NUMB: variants seen among roughly 807,000 people sequenced by gnomAD.
The protein encoded by NUMB is NUMB endocytic adaptor protein, also known as protein numb homolog.
A neutral mutation model predicts 59.7 loss-of-function variants in NUMB; 29 were observed. The observed-to-expected ratio is 0.49, with a 90% CI of 0.36 to 0.66. The LOEUF (loss-of-function observed/expected upper bound fraction) is 0.66. Among genes scored for constraint, NUMB ranks in the 30% least tolerant of loss-of-function variants. NUMB has a pLI of 0.00. For missense variants in NUMB, 723 were observed against 822.0 expected, an observed-to-expected ratio of 0.88 and a Z score of 1.47; for synonymous variants, 288 against 288.2, an observed-to-expected ratio of 1.00 and a Z score of 0.01.
chr14:73,390,613 AT>A (rs2140097658), intron 2 of NUMB, among the ~76,000 whole-genome samples: 1 of 73,804 alleles, frequency 1.4e-5, no homozygotes, highest in South Asian at 5.2e-4. Flanking sequence ...TATAAGACTG[AT>A]TTCCTTGAGG....
chr14:73,297,372 G>T, intron 6 of NUMB, 87 bp from the exon 7 acceptor site: 1 of 873,194 alleles, frequency 1.1e-6, no homozygotes, highest in Non-Finnish European at 1.9e-6. Flanking sequence ...CACTGACTCT[G>T]CCTTCCAAAA....
intron 2 of NUMB, among the ~76,000 whole-genome samples, chr14:73,387,248 G>A (rs896951682): frequency 6.6e-6 from 1 of 152,044 alleles, no homozygotes; most frequent in Non-Finnish European, 1.5e-5. Flanking sequence ...TTGAATTGTA[G>A]TTCCCATAAT....
chr14:73,328,744 T>C (rs1891797703), intron 4 of NUMB, among the ~76,000 whole-genome samples: 1 of 152,260 alleles, frequency 6.6e-6, no homozygotes, highest in South Asian at 2.1e-4. Context: ...TGTTTAAATT[T>C]GTCTATTCTT....
intron 4 of NUMB, among the ~76,000 whole-genome samples, chr14:73,354,770 G>T (rs192857010): frequency 1.5e-5 from 2 of 132,330 alleles, no homozygotes; most frequent in Non-Finnish European, 3.1e-5. Context: ...GGAGATTGCA[G>T]TGAGTTGAGA....
chr14:73,395,198 T>C (rs934076448), intron 2 of NUMB, among the ~76,000 whole-genome samples: 1 of 145,862 alleles, frequency 6.9e-6, no homozygotes, highest in Middle Eastern at 3.2e-3. Flanking sequence ...CTACACATGA[T>C]GTATACACAC....
At chr14:73,413,402 G>T (rs1896980936) in intron 1 of NUMB, among the ~76,000 whole-genome samples, 1 of 151,264 alleles carries the variant, frequency 6.6e-6, no homozygotes, top group Admixed American at 6.6e-5. Flanking sequence ...AAATAATTTT[G>T]TATTTAAAAA....
chr14:73,372,335 AT>A lies in NUMB; in HGVS notation c.-100-5355del, dbSNP rs1186086261. On this transcript the variant is annotated intron_variant, in intron 2 of 12. Coordinates refer to ENST00000555238, the MANE Select transcript of NUMB (RefSeq NM_001005743.2). ...TATATATATATATATATATATATAT[AT>A]AACCTTTTATATATATATATATAAC... 1.7e-3 allele frequency among the ~76,000 whole-genome samples: 152 copies of A among 90,594 alleles called. 2 individuals are homozygous for A. In the Middle Eastern group the frequency reaches 0.018, roughly 11 times the overall value. 59.4% of individuals were successfully genotyped at this position (90,594 alleles called of 152,430 possible).
At chr14:73,406,388 T>G (rs1204561144) in intron 2 of NUMB, among the ~76,000 whole-genome samples, 1 of 151,996 alleles carries the variant, frequency 6.6e-6, no homozygotes, top group East Asian at 1.9e-4. Flanking sequence ...AATGATGGTT[T>G]CCAGCTTCAT....
intron 4 of NUMB, among the ~76,000 whole-genome samples, chr14:73,330,330 C>T (rs1351005077): frequency 6.6e-6 from 1 of 152,148 alleles, no homozygotes; most frequent in Non-Finnish European, 1.5e-5. Context: ...CCATGCCTGG[C>T]CTTAAAGTAT....
intron 2 of NUMB, among the ~76,000 whole-genome samples, chr14:73,395,893 G>A (rs1366306578): frequency 6.6e-6 from 1 of 152,138 alleles, no homozygotes; most frequent in Non-Finnish European, 1.5e-5. Flanking sequence ...TTCTAGAATG[G>A]CTAGATGGAT....
chr14:73,405,246 G>A (rs764452766), intron 2 of NUMB, among the ~76,000 whole-genome samples: 10 of 152,020 alleles, frequency 6.6e-5, no homozygotes, highest in Non-Finnish European at 1.2e-4. Flanking sequence ...CAAACTAGCT[G>A]TGAGTTTATC....
At chr14:73,303,816 C>T (rs1890277050) in intron 6 of NUMB, among the ~76,000 whole-genome samples, 1 of 151,922 alleles carries the variant, frequency 6.6e-6, no homozygotes, top group Admixed American at 6.6e-5. Context: ...ACCGATCTAA[C>T]ATGGACAGAA....
At chr14:73,444,331 G>A (rs529886051) in intron 1 of NUMB, among the ~76,000 whole-genome samples, 19 of 150,472 alleles carry the variant, frequency 1.3e-4, no homozygotes, top group African/African-American at 4.4e-4. Flanking sequence ...CCCGGGAGGC[G>A]GAAGTTGCAG....
intron 6 of NUMB, 23 bp from the exon 7 acceptor site, chr14:73,297,308 G>A: frequency 7.0e-7 from 1 of 1,422,088 alleles, no homozygotes; most frequent in Non-Finnish European, 9.9e-7. Flanking sequence ...ACCAAAAAGG[G>A]GAGGGGGAGA....
intron 3 of NUMB, among the ~76,000 whole-genome samples, chr14:73,359,972 A>G (rs556860549): frequency 1.8e-4 from 27 of 152,304 alleles, no homozygotes; most frequent in Non-Finnish European, 3.5e-4. Flanking sequence ...ATAGTCCAAG[A>G]TAACTTTGCC....
At chr14:73,429,578 G>A (rs1333151456) in intron 1 of NUMB, among the ~76,000 whole-genome samples, 1 of 152,126 alleles carries the variant, frequency 6.6e-6, no homozygotes, top group Admixed American at 6.6e-5. Context: ...CAGTTGAAGT[G>A]CATGTGCATT....
chr14:73,292,940 G>A (rs1889491718), intron 7 of NUMB, 66 bp from the exon 8 acceptor site: 9 of 1,508,070 alleles, frequency 6.0e-6, no homozygotes, highest in Non-Finnish European at 8.2e-6. Context: ...CAGAACACAG[G>A]ATGTTCATTT....
intron 1 of NUMB, among the ~76,000 whole-genome samples, chr14:73,448,895 T>G (rs1331165710): frequency 6.6e-6 from 1 of 152,106 alleles, no homozygotes; most frequent in African/African-American, 2.4e-5. Flanking sequence ...AATCTGCAGA[T>G]ATCCCAGTTC....
intron 4 of NUMB, among the ~76,000 whole-genome samples, chr14:73,343,140 T>C (rs1025688502): frequency 2.0e-5 from 3 of 152,124 alleles, no homozygotes; most frequent in African/African-American, 7.2e-5. Context: ...CAAAAGTATA[T>C]GCTTTTAAAG....
Sources: gnomAD v4.1 joint callset for allele counts (sites outside exome capture counted in the v4.1 genomes callset) on GRCh38, gnomAD v4.1.1 for gene constraint, MANE v1.5 for transcripts, NCBI Gene and HGNC (gene_info 2026-07-23, HGNC 2026-07-21) for gene names.